Variants in DAAM1 observed in about 807,000 individuals in gnomAD.
The protein encoded by DAAM1 is disheveled-associated activator of morphogenesis 1.
In DAAM1, 52 loss-of-function variants were observed where a neutral mutation model predicts 130.0. That is an observed-to-expected ratio of 0.40 (90% CI 0.32 to 0.50). The LOEUF (loss-of-function observed/expected upper bound fraction) is 0.50, where lower values mean the gene tolerates loss of function less well. Among genes scored for constraint, DAAM1 ranks in the 20% least tolerant of loss-of-function variants. The probability of loss-of-function intolerance (pLI) is 0.61; values close to 1 mark genes in which losing one functional copy is unlikely to be tolerated. For synonymous variants in DAAM1, 452 were observed against 444.5 expected, an observed-to-expected ratio of 1.02 and a Z score of -0.21; for missense variants, 1,134 against 1,303.8, an observed-to-expected ratio of 0.87 and a Z score of 2.01.
chr14:59,339,691 G>T (rs1033955776), intron 15 of DAAM1, among the ~76,000 whole-genome samples: 6 of 152,138 alleles, frequency 3.9e-5, no homozygotes, highest in Non-Finnish European at 7.4e-5. Flanking sequence ...TGGCTGGACC[G>T]GCAATGGCAA....
intron 2 of DAAM1, among the ~76,000 whole-genome samples, chr14:59,290,148 A>T (rs542211514): frequency 6.6e-6 from 1 of 152,314 alleles, no homozygotes; most frequent in African/African-American, 2.4e-5. Flanking sequence ...AAAAAAAATA[A>T]AAGACTGTGA....
intron 2 of DAAM1, among the ~76,000 whole-genome samples, chr14:59,276,571 T>C (rs763496805): frequency 8.7e-4 from 132 of 152,184 alleles, no homozygotes; most frequent in Non-Finnish European, 1.5e-3. Flanking sequence ...ACTGAAGGCT[T>C]GCAGCCTGCT....
At chr14:59,280,653 G>C in intron 2 of DAAM1, among the ~76,000 whole-genome samples, 1 of 148,222 alleles carries the variant, frequency 6.7e-6, no homozygotes, top group East Asian at 2.0e-4. Context: ...CACAATGAGA[G>C]TCAGACGTAC....
chr14:59,227,416 A>G (rs762454597), intron 1 of DAAM1, among the ~76,000 whole-genome samples: 20 of 152,340 alleles, frequency 1.3e-4, no homozygotes, highest in Non-Finnish European at 2.1e-4. Context: ...TGAGACGGCC[A>G]TGAGATTGTG....
At chr14:59,211,663 C>T (rs180832966) in intron 1 of DAAM1, among the ~76,000 whole-genome samples, 1 of 152,280 alleles carries the variant, frequency 6.6e-6, no homozygotes, top group Non-Finnish European at 1.5e-5. Context: ...GTGTCAGTTG[C>T]CTTTCTGAGT....
chr14:59,189,437 C>G (rs1887659048), intron 1 of DAAM1, among the ~76,000 whole-genome samples: 1 of 152,174 alleles, frequency 6.6e-6, no homozygotes, highest in South Asian at 2.1e-4. Flanking sequence ...GCCGGGGAGG[C>G]TGCGCCGCCT....
At chr14:59,223,209 T>A (rs1043689114) in intron 1 of DAAM1, among the ~76,000 whole-genome samples, 2 of 152,240 alleles carry the variant, frequency 1.3e-5, no homozygotes, top group South Asian at 2.1e-4. Context: ...GCCTTCAGGA[T>A]CTGCTTTCGC....
chr14:59,286,942 C>T (rs1883488808), intron 2 of DAAM1, among the ~76,000 whole-genome samples: 1 of 152,124 alleles, frequency 6.6e-6, no homozygotes, highest in Non-Finnish European at 1.5e-5. Flanking sequence ...CTAAAACCAG[C>T]ATCACCCTGA....
rs182739830 is a variant in DAAM1 at position 59,304,135 on chromosome 14, C to T, written c.274-11145C>T. ...GCCCATACTTTCACAGAAAGACTGC[C>T]CCAAGGCTGCCTGACTTCACCAACT... On this transcript the variant is annotated intron_variant, in intron 3 of 24. Coordinates refer to ENST00000360909, the MANE Select transcript of DAAM1 (RefSeq NM_001270520.2). Among the ~76,000 whole-genome samples, 685 of 152,212 alleles carry T rather than the reference C, an allele frequency of 4.5e-3. 9 individuals carry two copies. Among genetic ancestry groups the T allele is most frequent in the Admixed American group, 5.7e-3 (87 of 15,288 alleles).
intron 1 of DAAM1, among the ~76,000 whole-genome samples, chr14:59,204,899 A>G (rs1214597866): frequency 6.6e-6 from 1 of 152,190 alleles, no homozygotes; most frequent in Non-Finnish European, 1.5e-5. Context: ...AATAAAAATC[A>G]TCAGAATGAA....
intron 8 of DAAM1, 66 bp downstream of exon 8, chr14:59,324,520 T>A: frequency 9.6e-7 from 1 of 1,043,530 alleles, no homozygotes; most frequent in Non-Finnish European, 1.3e-6. Flanking sequence ...CAATACCTCA[T>A]CAAGTGCTGG....
rs146003997 is a variant in DAAM1, at chr14:59,363,583, T to C, written c.2695-68T>C. The C allele has an allele frequency of 5.1e-5, 81 of 1,590,842 alleles. No individual in the cohort carries two copies. The Admixed American group carries it at 9.5e-4, about 19-fold the overall frequency. On this transcript the variant is annotated intron_variant, in intron 22 of 24. Transcript: ENST00000360909. Reference sequence around the variant, plus strand: ...TATTAAATTTAAGGCATGTGAAATATGAGACGAGGTGTGTCTCATGTCTGT... The same window carrying C: ...TATTAAATTTAAGGCATGTGAAATACGAGACGAGGTGTGTCTCATGTCTGT...
chr14:59,226,602 T>C (rs2139436456), intron 1 of DAAM1, among the ~76,000 whole-genome samples: 1 of 152,288 alleles, frequency 6.6e-6, no homozygotes, highest in South Asian at 2.1e-4. Flanking sequence ...CCTTGTAAAG[T>C]CAATCTCTGT....
intron 3 of DAAM1, among the ~76,000 whole-genome samples, chr14:59,306,890 A>G (rs918090885): frequency 6.6e-6 from 1 of 152,142 alleles, no homozygotes; most frequent in South Asian, 2.1e-4. Flanking sequence ...AGGCAACAGA[A>G]ATACACAGAA....
chr14:59,212,933 G>A (rs912100187), intron 1 of DAAM1, among the ~76,000 whole-genome samples: 2 of 151,992 alleles, frequency 1.3e-5, no homozygotes, highest in Non-Finnish European at 2.9e-5. Context: ...ATCAATCGCA[G>A]CATATAAATT....
At chr14:59,280,734 AG>A (rs1156302533) in intron 2 of DAAM1, among the ~76,000 whole-genome samples, 1 of 152,068 alleles carries the variant, frequency 6.6e-6, no homozygotes, top group African/African-American at 2.4e-5. Flanking sequence ...AAGGCAGGAT[AG>A]GCTACCTGGA....
At chr14:59,277,582 G>A (rs1883026832) in intron 2 of DAAM1, among the ~76,000 whole-genome samples, 1 of 151,638 alleles carries the variant, frequency 6.6e-6, no homozygotes, top group Non-Finnish European at 1.5e-5. Flanking sequence ...TAATCTGTTG[G>A]TTTTAGTTTT....
intron 3 of DAAM1, among the ~76,000 whole-genome samples, chr14:59,300,428 A>G (rs999809467): frequency 6.6e-6 from 1 of 152,334 alleles, no homozygotes; most frequent in East Asian, 1.9e-4. Flanking sequence ...TCTTAAACCT[A>G]ATTACCAGAG....
chr14:59,338,652 A>G (rs531787906), intron 15 of DAAM1, among the ~76,000 whole-genome samples: 1 of 152,198 alleles, frequency 6.6e-6, no homozygotes, highest in Non-Finnish European at 1.5e-5. Context: ...TATAAATTCC[A>G]TATTGCCTTT....
Sources: gnomAD v4.1 joint callset for allele counts (sites outside exome capture counted in the v4.1 genomes callset) on GRCh38, gnomAD v4.1.1 for gene constraint, MANE v1.5 for transcripts, NCBI Gene and HGNC (gene_info 2026-07-23, HGNC 2026-07-21) for gene names.